Variants in GPR149 observed in about 807,000 individuals in gnomAD.
GPR149 encodes the protein probable G protein-coupled receptor 149.
Under a neutral mutation model 50.2 loss-of-function variants are expected in GPR149, and 50 were observed. The ratio of observed to expected loss-of-function variants is 1.00; its 90% CI spans 0.79 to 1.26. GPR149 has a LOEUF of 1.26. Ranked by LOEUF, GPR149 falls within the 50% of genes most tolerant of loss-of-function variation. The pLI, the probability that GPR149 is intolerant of heterozygous loss-of-function variation, is 0.00. For synonymous variants in GPR149, 405 were observed against 358.2 expected (o/e 1.13, Z -1.48); for missense variants, 983 against 895.4 (o/e 1.10, Z -1.25).
At chr3:154,422,837 T>C (rs1322318223) in intron 2 of GPR149, among the ~76,000 whole-genome samples, 1 of 151,802 alleles carries the variant, frequency 6.6e-6, no homozygotes, top group African/African-American at 2.4e-5. Context: ...AGTTATACTG[T>C]TTAACTTGCT....
chr3:154,402,346 T>C (rs1711566839), intron 3 of GPR149, among the ~76,000 whole-genome samples: 2 of 151,628 alleles, frequency 1.3e-5, no homozygotes, highest in African/African-American at 4.8e-5. Context: ...AGTCCAGGAG[T>C]TGGAGGCTAT....
At chr3:154,377,076 A>G (rs1476074999) in intron 3 of GPR149, among the ~76,000 whole-genome samples, 2 of 151,302 alleles carry the variant, frequency 1.3e-5, no homozygotes, top group African/African-American at 4.8e-5. Context: ...ATAACAAGCA[A>G]TAAAATACAT....
At chr3:154,375,735 T>C (rs187321040) in intron 3 of GPR149, among the ~76,000 whole-genome samples, 51 of 152,094 alleles carry the variant, frequency 3.4e-4, no homozygotes, top group African/African-American at 1.1e-3. Context: ...GGGGTGTGGG[T>C]GGTCTGTGAG....
chr3:154,422,942 A>G (rs1164899248), intron 2 of GPR149, among the ~76,000 whole-genome samples: 5 of 151,918 alleles, frequency 3.3e-5, no homozygotes, highest in African/African-American at 1.2e-4. Context: ...ACAAATTGTC[A>G]TTTCAAGGCC....
chr3:154,391,439 T>C (rs1319873879), intron 3 of GPR149, among the ~76,000 whole-genome samples: 2 of 150,956 alleles, frequency 1.3e-5, no homozygotes, highest in African/African-American at 4.9e-5. Flanking sequence ...ACAAAGAAAG[T>C]ACATACAGAA....
Position 154,421,285 on chromosome 3 carries a change from C to T in GPR149, c.1377G>A (p.Thr459=), listed in dbSNP as rs1459463846. 27 of 1,613,120 alleles carry T rather than the reference C, an allele frequency of 1.7e-5. No homozygotes were observed. Among genetic ancestry groups the T allele is most frequent in the Non-Finnish European group, 2.2e-5 (26 of 1,179,476 alleles). The change falls in exon 3 of 4, where the codon ACG becomes ACA. Residue 459 remains threonine, a synonymous_variant. Transcript: ENST00000389740. ...TTTGTGTGGAGCTGTCCAGAGAGGG[C>T]GTGGTGCTGATTTCTACTTTTATAG... is the stretch of plus-strand genomic sequence containing the variant. The part of the protein sequence containing the change: ...FNAIKVEIST[T]PSLDSSTQRG...
chr3:154,375,656 T>G (rs1714775067), intron 3 of GPR149, among the ~76,000 whole-genome samples: 1 of 152,190 alleles, frequency 6.6e-6, no homozygotes, highest in Non-Finnish European at 1.5e-5. Context: ...ATGGAAAGTA[T>G]ATCATTTTAT....
intron 3 of GPR149, among the ~76,000 whole-genome samples, chr3:154,392,113 T>A (rs1715185672): frequency 6.6e-6 from 1 of 151,212 alleles, no homozygotes; most frequent in Non-Finnish European, 1.5e-5. Flanking sequence ...TTGAAAAAAA[T>A]CAATAAGGAA....
intron 3 of GPR149, among the ~76,000 whole-genome samples, chr3:154,403,251 T>G (rs1711592323): frequency 6.6e-6 from 1 of 152,114 alleles, no homozygotes; most frequent in Non-Finnish European, 1.5e-5. Context: ...TTTACAGCAT[T>G]AGGAAAGGCT....
chr3:154,366,863 C>T (rs1417692428), intron 3 of GPR149, among the ~76,000 whole-genome samples: 3 of 152,228 alleles, frequency 2.0e-5, no homozygotes, highest in Non-Finnish European at 4.4e-5. Context: ...CTCAGGATTT[C>T]TTGAAACTGT....
intron 3 of GPR149, among the ~76,000 whole-genome samples, chr3:154,347,967 A>G (rs1328425990): frequency 6.6e-6 from 1 of 152,222 alleles, no homozygotes; most frequent in Admixed American, 6.5e-5. Flanking sequence ...GTGGAGTCGC[A>G]TACACCTGAG....
intron 3 of GPR149, among the ~76,000 whole-genome samples, chr3:154,415,557 A>G (rs1483029170): frequency 1.3e-5 from 2 of 151,962 alleles, no homozygotes; most frequent in Non-Finnish European, 2.9e-5. Context: ...ATTGAGGTTA[A>G]AGTTATGCTG....
At chr3:154,365,527 A>C (rs370017285) in intron 3 of GPR149, among the ~76,000 whole-genome samples, 7 of 152,174 alleles carry the variant, frequency 4.6e-5, no homozygotes, top group African/African-American at 1.7e-4. Context: ...AATTTTTTCA[A>C]ATCTTTACCT....
intron 3 of GPR149, among the ~76,000 whole-genome samples, chr3:154,415,734 T>C (rs1019333625): frequency 2.3e-4 from 35 of 151,948 alleles, no homozygotes; most frequent in African/African-American, 8.2e-4. Context: ...GTTTTTTCTT[T>C]GCTTATCGGC....
intron 3 of GPR149, among the ~76,000 whole-genome samples, chr3:154,398,316 C>T (rs1715341615): frequency 6.6e-6 from 1 of 152,180 alleles, no homozygotes; most frequent in Admixed American, 6.5e-5. Context: ...CGCCTTTCCT[C>T]TTGTGGTCCA....
chr3:154,430,123 G>A lies in GPR149; in HGVS notation c.-508C>T, dbSNP rs1416254092. Among the ~76,000 whole-genome samples the A allele has an allele frequency of 1.4e-5, 2 of 141,714 alleles. No homozygotes were observed. The highest frequency in any genetic ancestry group is 5.5e-5 in the African/African-American group (2 of 36,562). The allele number at this position is 141,714 out of a possible 152,430, so 93.0% of individuals were successfully genotyped here. On this transcript the variant is annotated 5_prime_UTR_variant, in exon 1 of 4. Coordinates refer to ENST00000389740, the MANE Select transcript of GPR149 (RefSeq NM_001038705.3). ...CAGGTAGGTTTCAGCTTTGAAGGTG[G>A]AGAGAGAGAGAGAGACAGAGAGAGA...
Position 154,337,419 on chromosome 3 carries a change from C to T in GPR149, c.*280G>A, listed in dbSNP as rs777470932. 6.6e-6 allele frequency among the ~76,000 whole-genome samples: 1 copy of T among 152,100 alleles called. No individual in the cohort carries two copies. Among genetic ancestry groups the T allele is most frequent in the Admixed American group, 6.6e-5 (1 of 15,266 alleles). ...TTACTAGGAAGTTGACAAGCAAAAACATTGGTAAACTAGGCCAAGATTTGA... is the reference window on the plus strand; with the variant it reads ...TTACTAGGAAGTTGACAAGCAAAAATATTGGTAAACTAGGCCAAGATTTGA... On this transcript the variant is annotated 3_prime_UTR_variant, in exon 4 of 4. Transcript: ENST00000389740.
chr3:154,427,710 T>TA lies in GPR149; in HGVS notation c.982-3_982-2insT, dbSNP rs1288520587. On this transcript the variant is annotated splice_polypyrimidine_tract_variant and splice_region_variant and intron_variant, in intron 1 of 3. Coordinates refer to ENST00000389740, the MANE Select transcript of GPR149 (RefSeq NM_001038705.3). ...GACGTTCTGGACCACCATGTGCATC[T>TA]GCAAGGGCAAGAGAACTTCAGACCT... 3 of 1,609,474 alleles carry TA rather than the reference T, an allele frequency of 1.9e-6. No individual in the cohort carries two copies. Among genetic ancestry groups the TA allele is most frequent in the Admixed American group, 3.4e-5 (2 of 59,232 alleles).
Position 154,337,383 on chromosome 3 carries a change from C to T in GPR149, c.*316G>A, listed in dbSNP as rs1713678395. The stretch of plus-strand genomic sequence containing the variant: ...GAACAGTATATTCACTGAGTTTATA[C>T]AATTTTCTGTTTACTAGGAAGTTGA... On this transcript the variant is annotated 3_prime_UTR_variant, in exon 4 of 4. Coordinates refer to ENST00000389740, the MANE Select transcript of GPR149 (RefSeq NM_001038705.3). Among the ~76,000 whole-genome samples, 1 of 152,130 alleles carries T rather than the reference C, an allele frequency of 6.6e-6. No homozygotes were observed. Among genetic ancestry groups the T allele is most frequent in the African/African-American group, 2.4e-5 (1 of 41,442 alleles).
Sources: gnomAD v4.1 joint callset for allele counts (sites outside exome capture counted in the v4.1 genomes callset) on GRCh38, gnomAD v4.1.1 for gene constraint, MANE v1.5 for transcripts, NCBI Gene and HGNC (gene_info 2026-07-23, HGNC 2026-07-21) for gene names.